The following PRMT7 variants were observed in gnomAD, a reference collection of about 807,000 sequenced individuals.
PRMT7 encodes the protein protein arginine N-methyltransferase 7.
PRMT7 carries 75 observed loss-of-function variants against 85.4 expected under a neutral mutation model. That is an observed-to-expected ratio of 0.88 (90% CI 0.73 to 1.06). The LOEUF (loss-of-function observed/expected upper bound fraction) is 1.06. PRMT7 is among the 50% of genes least tolerant of loss of function. PRMT7 has a pLI of 0.00. For missense variants in PRMT7, 868 were observed against 915.2 expected, an observed-to-expected ratio of 0.95 and a Z score of 0.67; for synonymous variants, 397 against 359.5, an observed-to-expected ratio of 1.10 and a Z score of -1.18.
intron 6 of PRMT7, chr16:68,329,417 A>G (rs2083546047): frequency 3.1e-6 from 1 of 322,022 alleles, no homozygotes; most frequent in South Asian, 4.7e-5. Flanking sequence ...CAAAACCTAC[A>G]TTTGCTTTAA....
chr16:68,356,764 C>T lies in PRMT7; in HGVS notation c.1875C>T (p.Leu625=), dbSNP rs763210626. ...MEYHLTPECT[L]STGLLEPADP... The stretch of plus-strand genomic sequence containing the variant: ...ACCACCTGACCCCGGAGTGCACGCT[C>T]AGCACTGGCCTCCTGGAGCCTGCAG... The change falls in exon 18 of 19, where the codon CTC becomes CTT. Residue 625 remains leucine (L), a synonymous_variant. Transcript: ENST00000441236. The T allele has an allele frequency of 1.2e-6, 2 of 1,610,818 alleles. No homozygotes were observed. The highest frequency in any genetic ancestry group is 1.1e-5 in the South Asian group (1 of 90,786).
At chr16:68,325,505 G>C (rs4783620) in intron 5 of PRMT7, among the ~76,000 whole-genome samples, 93,972 of 150,032 alleles carry the variant, frequency 0.63, 29,429 homozygotes, top group East Asian at 0.79. Context: ...AAATCAAAAC[G>C]AAACAAAGGC....
At position 68,348,439 on chromosome 16, in the gene PRMT7, G is replaced by A; in HGVS notation, c.1413+8G>A. On this transcript the variant is annotated splice_region_variant and intron_variant, in intron 14 of 18. Transcript: ENST00000441236. Reference sequence around the variant, plus strand: ...GACCTACAGGGCAGAAAGGTGAGTAGCGGGAGCCTTTTGGCCACGCTGGGC... The same window carrying A: ...GACCTACAGGGCAGAAAGGTGAGTAACGGGAGCCTTTTGGCCACGCTGGGC... The A allele has an allele frequency of 1.2e-6, 2 of 1,604,568 alleles. No homozygotes were observed. The highest frequency in any genetic ancestry group is 1.1e-5 in the South Asian group (1 of 90,812).
chr16:68,311,099 G>T lies in PRMT7; in HGVS notation c.-219G>T, dbSNP rs970684301. The T allele has an allele frequency of 5.6e-6, 4 of 713,416 alleles. No homozygotes were observed. The highest frequency in any genetic ancestry group is 5.0e-6 in the Non-Finnish European group (2 of 399,262). The allele number at this position is 713,416 out of a possible 1,614,324, so 44.2% of individuals were successfully genotyped here. ...GGCGAGCGGAGGGTTTCCCGCGGCG[G>T]GTGAGGCGCTGGGTATGCTGGGAAG... On this transcript the variant is annotated splice_region_variant and 5_prime_UTR_variant, in exon 1 of 19. Coordinates refer to ENST00000441236, the MANE Select transcript of PRMT7 (RefSeq NM_019023.5).
intron 12 of PRMT7, among the ~76,000 whole-genome samples, 158 bp downstream of exon 12, chr16:68,347,452 C>T (rs1266094619): frequency 1.3e-5 from 2 of 152,142 alleles, no homozygotes; most frequent in African/African-American, 2.4e-5. Flanking sequence ...ATTGCCTGTG[C>T]GTGCAGGCAG....
intron 15 of PRMT7, 178 bp from the exon 16 acceptor site, chr16:68,353,314 C>G (rs984169435): frequency 7.3e-7 from 1 of 1,369,664 alleles, no homozygotes; most frequent in African/African-American, 1.5e-5. Flanking sequence ...TTGCAGGTTC[C>G]CGCCCAGCCC....
At position 68,347,215 on chromosome 16, in the gene PRMT7, TGAAG is replaced by T. The variant is rs2086550576; in HGVS notation, c.1197_1200del (p.Lys400GlnfsTer39). The T allele has an allele frequency of 1.0e-5, 16 of 1,552,516 alleles. No homozygotes were observed. The highest frequency in any genetic ancestry group is 1.3e-5 in the Non-Finnish European group (15 of 1,147,254). ...GAGCTTGCCTGTTCCCCGCAGGTGC[TGAAG>T]CCAGACAGCGTGTGCCTGTGTGTCA... On this transcript the variant is annotated frameshift_variant, in exon 12 of 19. Transcript: ENST00000441236. LOFTEE classifies it high-confidence loss of function.
chr16:68,347,795 G>A, intron 13 of PRMT7, 117 bp downstream of exon 13: 2 of 921,770 alleles, frequency 2.2e-6, no homozygotes, highest in Non-Finnish European at 3.3e-6. Flanking sequence ...TTGCACCCCT[G>A]TGTTGTCTTG....
chr16:68,317,837 AAAAAAAAGAAAAAAAAC>A (rs1457525856), intron 3 of PRMT7, among the ~76,000 whole-genome samples: 2 of 56,960 alleles, frequency 3.5e-5, no homozygotes, highest in Non-Finnish European at 6.0e-5. Flanking sequence ...GTCTCAAAAA[AAAAAAAAGAAAAAAAAC>A]CACACACACA....
chr16:68,340,125 G>A (rs978540837), intron 9 of PRMT7, among the ~76,000 whole-genome samples, 157 bp downstream of exon 9: 3 of 152,222 alleles, frequency 2.0e-5, no homozygotes, highest in African/African-American at 7.2e-5. Flanking sequence ...GCAAAGGCTA[G>A]CTGTAGTAAC....
At chr16:68,317,494 C>T (rs1029132322) in intron 3 of PRMT7, among the ~76,000 whole-genome samples, 5 of 152,008 alleles carry the variant, frequency 3.3e-5, no homozygotes, top group Admixed American at 1.3e-4. Context: ...CTTATGCCCA[C>T]GAGTTCAACA....
chr16:68,319,890 C>T (rs1277186665), intron 3 of PRMT7, among the ~76,000 whole-genome samples: 9 of 152,136 alleles, frequency 5.9e-5, no homozygotes, highest in Non-Finnish European at 1.5e-5. Flanking sequence ...GTGCTCATCC[C>T]GACCCCGCCT....
At chr16:68,356,855 G>C in intron 18 of PRMT7, 58 bp downstream of exon 18, 3 of 1,517,282 alleles carry the variant, frequency 2.0e-6, no homozygotes, top group Non-Finnish European at 2.7e-6. Flanking sequence ...GGCGCCGCCT[G>C]GGGAGGCCTC....
Position 68,347,538 on chromosome 16 carries a change from CTCTG to C in PRMT7, c.1276-89_1276-86del. On this transcript the variant is annotated intron_variant, in intron 12 of 18. Transcript: ENST00000441236. ...GCAGGGAGGGTTGTTCAGGTGTGTC[CTCTG>C]TCTTAGGATGGTCTTGTCGCATTTT... is the stretch of plus-strand genomic sequence containing the variant. The C allele has an allele frequency of 2.9e-5, 40 of 1,386,142 alleles. 2 individuals are homozygous for C. In the South Asian group the frequency reaches 4.8e-4, roughly 17 times the overall value. 85.9% of individuals were successfully genotyped at this position (1,386,142 alleles called of 1,614,324 possible). A position where few individuals can be genotyped will look rare whatever the true frequency, so the allele number is the denominator to read the frequency against.
At chr16:68,352,204 G>A in intron 14 of PRMT7, 44 bp from the exon 15 acceptor site, 3 of 1,598,164 alleles carry the variant, frequency 1.9e-6, no homozygotes, top group Non-Finnish European at 1.7e-6. Context: ...CTCCTGGACC[G>A]AGCCCTACTG....
intron 5 of PRMT7, among the ~76,000 whole-genome samples, chr16:68,326,430 G>C (rs528796200): frequency 8.1e-4 from 124 of 152,272 alleles, no homozygotes; most frequent in African/African-American, 2.9e-3. Flanking sequence ...ATTTTTAGTA[G>C]AGATAGGGTT....
chr16:68,349,559 T>G (rs2086961984), intron 14 of PRMT7, among the ~76,000 whole-genome samples: 1 of 152,152 alleles, frequency 6.6e-6, no homozygotes, highest in African/African-American at 2.4e-5. Flanking sequence ...AGTGATTTTT[T>G]TAAGTAAATA....
At chr16:68,355,927 G>A in intron 17 of PRMT7, 44 bp downstream of exon 17, 1 of 1,499,036 alleles carries the variant, frequency 6.7e-7, no homozygotes, top group Non-Finnish European at 8.9e-7. Flanking sequence ...GCTGCTGCTT[G>A]CCCTTGGAGT....
intron 4 of PRMT7, among the ~76,000 whole-genome samples, chr16:68,322,062 C>G (rs1420444345): frequency 1.3e-5 from 2 of 152,094 alleles, no homozygotes; most frequent in Non-Finnish European, 2.9e-5. Context: ...ATTCTCCTGC[C>G]TCAACCTGCC....
Sources: gnomAD v4.1 joint callset for allele counts (sites outside exome capture counted in the v4.1 genomes callset) on GRCh38, gnomAD v4.1.1 for gene constraint, MANE v1.5 for transcripts, NCBI Gene and HGNC (gene_info 2026-07-23, HGNC 2026-07-21) for gene names.